SVIL: variants seen among roughly 807,000 people sequenced by gnomAD.
SVIL encodes archvillin.
SVIL carries 101 observed loss-of-function variants against 240.4 expected under a neutral mutation model. That is an observed-to-expected ratio of 0.42 (90% CI 0.36 to 0.50). The LOEUF (loss-of-function observed/expected upper bound fraction) is 0.50, where lower values mean the gene tolerates loss of function less well. Ranked by LOEUF, SVIL falls within the 20% of genes least tolerant of loss-of-function variation. The pLI is 0.01. For synonymous variants in SVIL, 999 were observed against 1,100.0 expected, an observed-to-expected ratio of 0.91 and a Z score of 1.82; for missense variants, 2,512 against 2,818.7, an observed-to-expected ratio of 0.89 and a Z score of 2.46.
At chr10:29,704,929 A>T (rs1013991492) in intron 1 of SVIL, among the ~76,000 whole-genome samples, 1 of 152,230 alleles carries the variant, frequency 6.6e-6, no homozygotes, top group Non-Finnish European at 1.5e-5. Context: ...GAAGCAATTT[A>T]AAAAATTACT....
intron 1 of SVIL, among the ~76,000 whole-genome samples, chr10:29,721,200 T>C (rs940714858): frequency 6.6e-6 from 1 of 151,614 alleles, no homozygotes; most frequent in African/African-American, 2.4e-5. Context: ...GACATATAGC[T>C]AATTAGCCAA....
intron 18 of SVIL, among the ~76,000 whole-genome samples, chr10:29,497,475 C>T (rs1171337150): frequency 6.6e-6 from 1 of 152,180 alleles, no homozygotes; most frequent in African/African-American, 2.4e-5. Flanking sequence ...AGCCTCAAAG[C>T]TCTCCAGTAA....
intron 1 of SVIL, among the ~76,000 whole-genome samples, chr10:29,706,536 C>A (rs1189210279): frequency 6.6e-6 from 1 of 151,920 alleles, no homozygotes; most frequent in African/African-American, 2.4e-5. Flanking sequence ...AAGTTCCTTG[C>A]AGATTTTGGA....
At chr10:29,720,015 A>G (rs1963877867) in intron 1 of SVIL, among the ~76,000 whole-genome samples, 2 of 152,228 alleles carry the variant, frequency 1.3e-5, no homozygotes, top group African/African-American at 2.4e-5. Flanking sequence ...ATCAAAGCAC[A>G]TTGCAAATTG....
Position 29,488,730 on chromosome 10 carries a change from C to T in SVIL, c.4219G>A (p.Val1407Ile). ...KMSSNSNFSEVTLAGLASKEN... is the reference protein window; with the variant it reads ...KMSSNSNFSEITLAGLASKEN... ...TTACTGGCTAAACCCGCCAGGGTGACTTCTGAGAAGTTGGAGTTGGAAGAC... is the reference window on the plus strand; with the variant it reads ...TTACTGGCTAAACCCGCCAGGGTGATTTCTGAGAAGTTGGAGTTGGAAGAC... Residue 1407 changes from valine to isoleucine, a missense_variant, in exon 23 of 38, where the codon GTC becomes ATC. Coordinates refer to ENST00000355867, the MANE Select transcript of SVIL (RefSeq NM_021738.3). 1 of 1,612,748 alleles carries T rather than the reference C, an allele frequency of 6.2e-7. No individual in the cohort carries two copies. Among genetic ancestry groups the T allele is most frequent in the African/African-American group, 1.3e-5 (1 of 75,006 alleles).
At chr10:29,680,295 C>A (rs1815569226) in intron 2 of SVIL, among the ~76,000 whole-genome samples, 1 of 152,206 alleles carries the variant, frequency 6.6e-6, no homozygotes, top group Admixed American at 6.5e-5. Flanking sequence ...AGTGGAGGTG[C>A]ATATGACCCA....
At chr10:29,720,879 G>A (rs535035767) in intron 1 of SVIL, among the ~76,000 whole-genome samples, 72 of 152,244 alleles carry the variant, frequency 4.7e-4, no homozygotes, top group Non-Finnish European at 1.0e-4. Flanking sequence ...ACACAGTCTT[G>A]CTCTGTGCCC....
intron 1 of SVIL, among the ~76,000 whole-genome samples, chr10:29,600,400 C>T (rs929139818): frequency 6.6e-6 from 1 of 152,160 alleles, no homozygotes; most frequent in Non-Finnish European, 1.5e-5. Context: ...TGCCCCTCAC[C>T]ACACCCAGAC....
At chr10:29,470,590 A>C in intron 31 of SVIL, 107 bp from the exon 32 acceptor site, 1 of 1,307,188 alleles carries the variant, frequency 7.7e-7, no homozygotes, top group Non-Finnish European at 1.1e-6. Flanking sequence ...ACCTCCGTCC[A>C]GGGCCAGGGA....
chr10:29,548,434 T>C (rs546912881), intron 6 of SVIL, among the ~76,000 whole-genome samples: 1 of 152,324 alleles, frequency 6.6e-6, no homozygotes, highest in Admixed American at 6.5e-5. Context: ...GTTAAGTAAA[T>C]TGCACTTTTA....
intron 28 of SVIL, among the ~76,000 whole-genome samples, chr10:29,481,178 G>A (rs1004552774): frequency 1.5e-4 from 23 of 150,362 alleles, no homozygotes; most frequent in African/African-American, 5.6e-4. Context: ...TTGTTTGTGT[G>A]TCTGTGTGTC....
intron 1 of SVIL, among the ~76,000 whole-genome samples, chr10:29,615,461 A>C (rs958072783): frequency 4.6e-5 from 7 of 152,222 alleles, no homozygotes; most frequent in Admixed American, 1.3e-4. Flanking sequence ...TTAATTACTC[A>C]TTGTGTTAAA....
intron 1 of SVIL, among the ~76,000 whole-genome samples, chr10:29,703,930 T>C (rs2132650901): frequency 6.6e-6 from 1 of 152,096 alleles, no homozygotes; most frequent in South Asian, 2.1e-4. Context: ...GCCTCCTGAG[T>C]AGCTAGGACC....
chr10:29,655,171 C>T (rs1245807143), intron 3 of SVIL, among the ~76,000 whole-genome samples: 1 of 152,204 alleles, frequency 6.6e-6, no homozygotes, highest in Admixed American at 6.5e-5. Flanking sequence ...TTAGGGAGAA[C>T]TGCCTCACAC....
intron 20 of SVIL, among the ~76,000 whole-genome samples, chr10:29,494,407 G>C (rs376326659): frequency 5.3e-5 from 8 of 152,348 alleles, no homozygotes; most frequent in African/African-American, 1.9e-4. Flanking sequence ...CCAGCGCCTA[G>C]TATTTGATAA....
chr10:29,718,718 A>AACT (rs1430866313), intron 1 of SVIL, among the ~76,000 whole-genome samples: 1 of 152,138 alleles, frequency 6.6e-6, no homozygotes, highest in Non-Finnish European at 1.5e-5. Flanking sequence ...TTTCTGAGCA[A>AACT]ACTACATGTG....
intron 1 of SVIL, among the ~76,000 whole-genome samples, chr10:29,687,727 T>C (rs191510317): frequency 1.3e-5 from 2 of 152,188 alleles, no homozygotes; most frequent in Non-Finnish European, 2.9e-5. Context: ...TACCTGCCCC[T>C]TTTTCTACAA....
chr10:29,516,358 G>C (rs1487094559), intron 16 of SVIL, among the ~76,000 whole-genome samples: 1 of 152,222 alleles, frequency 6.6e-6, no homozygotes, highest in Non-Finnish European at 1.5e-5. Flanking sequence ...AGCCTACGGA[G>C]CACATGACGA....
At chr10:29,518,815 C>T (rs1275331868) in intron 16 of SVIL, among the ~76,000 whole-genome samples, 1 of 152,220 alleles carries the variant, frequency 6.6e-6, no homozygotes, top group Non-Finnish European at 1.5e-5. Context: ...GCGATCGTGC[C>T]TCTGCACTCC....
Sources: gnomAD v4.1 joint callset for allele counts (sites outside exome capture counted in the v4.1 genomes callset) on GRCh38, gnomAD v4.1.1 for gene constraint, MANE v1.5 for transcripts, NCBI Gene and HGNC (gene_info 2026-07-23, HGNC 2026-07-21) for gene names.